Variants in CCNY observed in about 807,000 individuals in gnomAD.
CCNY encodes cyclin Y.
Under a neutral mutation model 42.8 loss-of-function variants are expected in CCNY, and 19 were observed. That is an observed-to-expected ratio of 0.44 (90% CI 0.31 to 0.65). The LOEUF is 0.65. Among genes scored for constraint, CCNY ranks in the 30% least tolerant of loss-of-function variants. CCNY has a pLI of 0.07. For missense variants in CCNY, 370 were observed against 437.3 expected (o/e 0.85, Z 1.37); for synonymous variants, 165 against 162.7 (o/e 1.01, Z -0.11).
At chr10:35,405,097 A>G (rs539571266) in intron 1 of CCNY, among the ~76,000 whole-genome samples, 1 of 152,206 alleles carries the variant, frequency 6.6e-6, no homozygotes, top group Admixed American at 6.5e-5. Context: ...AATTTAGTTG[A>G]TAAGGTGCAG....
intron 3 of CCNY, among the ~76,000 whole-genome samples, chr10:35,278,922 GTTC>G (rs1336255391): frequency 6.6e-6 from 1 of 152,058 alleles, no homozygotes; most frequent in Non-Finnish European, 1.5e-5. Context: ...TATTTCATTA[GTTC>G]TTCTCTATTG....
chr10:35,320,523 A>G (rs1199859835), intron 3 of CCNY, among the ~76,000 whole-genome samples: 3 of 152,232 alleles, frequency 2.0e-5, no homozygotes, highest in Non-Finnish European at 4.4e-5. Flanking sequence ...TCTGTTAATG[A>G]TGAACAACTG....
chr10:35,447,908 G>A (rs1312522561), intron 1 of CCNY, among the ~76,000 whole-genome samples: 3 of 152,192 alleles, frequency 2.0e-5, no homozygotes, highest in East Asian at 3.8e-4. Flanking sequence ...AAAAATGTAG[G>A]CCTGCCCCTG....
At chr10:35,370,724 A>AT (rs1564385915) in intron 1 of CCNY, among the ~76,000 whole-genome samples, 2 of 149,738 alleles carry the variant, frequency 1.3e-5, no homozygotes, top group Admixed American at 6.6e-5. Flanking sequence ...ATTTTATTTT[A>AT]TTTTTTTTTG....
intron 1 of CCNY, among the ~76,000 whole-genome samples, chr10:35,467,074 C>G (rs1034515029): frequency 9.9e-5 from 15 of 152,120 alleles, no homozygotes; most frequent in Admixed American, 9.2e-4. Context: ...TGCTGTGTGC[C>G]CAGCTCAGCA....
At chr10:35,271,309 G>T (rs1403434509) in intron 3 of CCNY, among the ~76,000 whole-genome samples, 1 of 152,136 alleles carries the variant, frequency 6.6e-6, no homozygotes, top group Non-Finnish European at 1.5e-5. Context: ...AACTGCAGTG[G>T]ATGGATTGCT....
intron 1 of CCNY, among the ~76,000 whole-genome samples, chr10:35,384,556 T>C (rs1186527431): frequency 2.0e-5 from 3 of 152,220 alleles, no homozygotes; most frequent in Admixed American, 1.3e-4. Flanking sequence ...TTTTGACATA[T>C]TGAATTGGAG....
intron 3 of CCNY, among the ~76,000 whole-genome samples, chr10:35,322,804 A>C (rs1835835876): frequency 6.6e-6 from 1 of 152,274 alleles, no homozygotes; most frequent in Non-Finnish European, 1.5e-5. Flanking sequence ...CGTATCCATT[A>C]GGATGGTGAA....
In CCNY at chr10:35,479,536, C is replaced by G. The variant is rs1389937625; in HGVS notation, c.155-3868C>G. Among the ~76,000 whole-genome samples, 6 of 134,366 alleles carry G rather than the reference C, an allele frequency of 4.5e-5. No homozygotes were observed. In the East Asian group the frequency reaches 6.3e-4, roughly 14 times the overall value. 88.1% of individuals were successfully genotyped at this position (134,366 alleles called of 152,430 possible). On this transcript the variant is annotated intron_variant, in intron 1 of 9. Coordinates refer to ENST00000374704, the MANE Select transcript of CCNY (RefSeq NM_145012.6). ...AAACCAAACACCGCATATTCTCACT[C>G]ATAGGTGGGAATTGAACAATGAGAA... is the stretch of plus-strand genomic sequence containing the variant.
intron 3 of CCNY, among the ~76,000 whole-genome samples, chr10:35,290,953 A>G (rs548963076): frequency 2.6e-5 from 4 of 152,022 alleles, no homozygotes; most frequent in African/African-American, 7.2e-5. Context: ...TCTACTTTCT[A>G]TCTCTAGAGA....
intron 2 of CCNY, among the ~76,000 whole-genome samples, chr10:35,492,914 C>T (rs529166094): frequency 2.0e-5 from 3 of 152,204 alleles, no homozygotes; most frequent in Non-Finnish European, 2.9e-5. Context: ...TTTCCTATTC[C>T]GGGTCAGAAC....
intron 1 of CCNY, among the ~76,000 whole-genome samples, chr10:35,370,159 T>G (rs1350201395): frequency 6.6e-6 from 1 of 152,090 alleles, no homozygotes; most frequent in Non-Finnish European, 1.5e-5. Context: ...TCCATGTTTT[T>G]TTTTTTTTTT....
At chr10:35,339,011 G>C (rs1048596988) in intron 1 of CCNY, among the ~76,000 whole-genome samples, 4 of 152,158 alleles carry the variant, frequency 2.6e-5, no homozygotes, top group African/African-American at 9.7e-5. Flanking sequence ...ATTTTTGAGA[G>C]AATGTTTGGA....
intron 1 of CCNY, among the ~76,000 whole-genome samples, chr10:35,456,083 T>A (rs114250997): frequency 2.6e-4 from 40 of 152,296 alleles, no homozygotes; most frequent in African/African-American, 9.1e-4. Flanking sequence ...TTTTTCCCCA[T>A]GTCTTAATGG....
At chr10:35,456,125 G>A (rs888133430) in intron 1 of CCNY, among the ~76,000 whole-genome samples, 3 of 152,126 alleles carry the variant, frequency 2.0e-5, no homozygotes, top group African/African-American at 7.2e-5. Context: ...ACAATTGTAT[G>A]TACTGGTGTG....
rs113069550 is a variant in CCNY, at chr10:35,548,292, GTATA to G, written c.580-4711_580-4708del. On this transcript the variant is annotated intron_variant, in intron 7 of 9. Coordinates refer to ENST00000374704, the MANE Select transcript of CCNY (RefSeq NM_145012.6). ...CATAAATATAAATATATATATTTAT[GTATA>G]TATATATATATATATTTTATGAGAC... 3.5e-3 allele frequency among the ~76,000 whole-genome samples: 502 copies of G among 143,822 alleles called. 4 individuals are homozygous for G. Among genetic ancestry groups the G allele is most frequent in the African/African-American group, 0.012 (472 of 39,384 alleles). The allele number at this position is 143,822 out of a possible 152,430, so 94.4% of individuals were successfully genotyped here.
chr10:35,332,215 C>A (rs1339939350), upstream of CCNY: 3 of 152,178 alleles, frequency 2.0e-5, no homozygotes, highest in Admixed American at 1.3e-4. Flanking sequence ...GCTCGAGTAA[C>A]CGTCATGAGA....
intron 3 of CCNY, among the ~76,000 whole-genome samples, chr10:35,302,013 G>C (rs981482389): frequency 1.3e-5 from 2 of 151,722 alleles, no homozygotes; most frequent in Non-Finnish European, 2.9e-5. Context: ...GTCCAGGCTG[G>C]AGTGCAATGG....
rs183517035 is a variant in CCNY at position 35,272,871 on chromosome 10, T to C, written c.-9+22245T>C. 2.4e-3 allele frequency among the ~76,000 whole-genome samples: 365 copies of C among 152,270 alleles called. 1 individual carries two copies. The highest frequency in any genetic ancestry group is 8.4e-3 in the African/African-American group (347 of 41,544). On this transcript the variant is annotated intron_variant, in intron 3 of 11. Coordinates refer to the CCNY transcript ENST00000374706. ...TATTTTCCACAATGGTTGAACTAAT[T>C]TACACTCCCACCAACATTGTATAAG...
Sources: allele counts gnomAD v4.1 joint callset (sites outside exome capture counted in the v4.1 genomes callset), GRCh38; gene constraint gnomAD v4.1.1; transcripts MANE v1.5; gene names NCBI Gene and HGNC (gene_info 2026-07-23, HGNC 2026-07-21).